PTPRM: variants seen among roughly 807,000 people sequenced by gnomAD.
PTPRM encodes protein tyrosine phosphatase receptor type M, also known as receptor-type tyrosine-protein phosphatase mu.
Under a neutral mutation model 186.7 loss-of-function variants are expected in PTPRM, and 47 were observed. The ratio of observed to expected loss-of-function variants is 0.25; its 90% confidence interval spans 0.20 to 0.32. The LOEUF (loss-of-function observed/expected upper bound fraction) is 0.32, where lower values mean the gene tolerates loss of function less well. Ranked by LOEUF, PTPRM falls within the 10% of genes least tolerant of loss-of-function variation. The probability of loss-of-function intolerance (pLI) is 1.00; values close to 1 mark genes in which losing one functional copy is unlikely to be tolerated. For synonymous variants in PTPRM, 668 were observed against 674.9 expected (o/e 0.99, Z 0.16); for missense variants, 1,494 against 1,865.0 (o/e 0.80, Z 3.66).
chr18:7,857,419 A>T (rs543035703), intron 2 of PTPRM, among the ~76,000 whole-genome samples: 3 of 152,198 alleles, frequency 2.0e-5, no homozygotes, highest in South Asian at 2.1e-4. Context: ...TACAGCTGGG[A>T]TGCTGGCTTC....
chr18:7,741,014 T>C (rs2040874101), intron 1 of PTPRM, among the ~76,000 whole-genome samples: 3 of 152,202 alleles, frequency 2.0e-5, no homozygotes, highest in South Asian at 4.1e-4. Context: ...AGGGCTCACA[T>C]TCCTCAGATG....
intron 7 of PTPRM, among the ~76,000 whole-genome samples, chr18:7,989,290 A>G (rs1478689288): frequency 2.6e-5 from 4 of 152,124 alleles, no homozygotes; most frequent in Non-Finnish European, 5.9e-5. Flanking sequence ...CATGGGCAGT[A>G]TATCAGAGGC....
chr18:7,747,804 G>A (rs761805759), intron 1 of PTPRM: 2 of 152,154 alleles, frequency 1.3e-5, no homozygotes, highest in Non-Finnish European at 2.9e-5. Context: ...CTGATTCTGA[G>A]GTCCCGAGGG....
In PTPRM at chr18:8,223,662, G is replaced by C. The variant is rs969157206; in HGVS notation, c.2301-20396G>C. ...ATTTGCACCTGATTGAAGATGCTTT[G>C]GGCTCAGTTTTGCTGTCCTCTCCCC... On this transcript the variant is annotated intron_variant, in intron 14 of 32. Transcript: ENST00000580170. 1.1e-4 allele frequency among the ~76,000 whole-genome samples: 16 copies of C among 152,074 alleles called. 1 individual carries two copies. The highest frequency in any genetic ancestry group is 6.5e-5 in the Admixed American group (1 of 15,272).
At chr18:7,720,195 A>C (rs2040420440) in intron 1 of PTPRM, among the ~76,000 whole-genome samples, 1 of 152,320 alleles carries the variant, frequency 6.6e-6, no homozygotes, top group African/African-American at 2.4e-5. Flanking sequence ...AAAGTGACAA[A>C]GTTTTACTTT....
At chr18:7,691,586 C>T (rs1337086457) in intron 1 of PTPRM, among the ~76,000 whole-genome samples, 3 of 152,052 alleles carry the variant, frequency 2.0e-5, no homozygotes, top group African/African-American at 4.8e-5. Context: ...TTTGATCAAG[C>T]CTGAGGATAT....
intron 11 of PTPRM, among the ~76,000 whole-genome samples, chr18:8,100,963 G>C (rs2091266783): frequency 6.6e-6 from 1 of 152,094 alleles, no homozygotes; most frequent in South Asian, 2.1e-4. Flanking sequence ...ACTGATATTT[G>C]ACAATACTTC....
chr18:7,642,826 G>T (rs2038475438), intron 1 of PTPRM, among the ~76,000 whole-genome samples: 1 of 131,414 alleles, frequency 7.6e-6, no homozygotes, highest in African/African-American at 2.9e-5. Flanking sequence ...AGGGGCCCAA[G>T]ACTTCAGTAA....
intron 19 of PTPRM, among the ~76,000 whole-genome samples, chr18:8,260,326 C>A (rs1021336896): frequency 6.6e-5 from 10 of 152,174 alleles, no homozygotes; most frequent in Non-Finnish European, 7.4e-5. Flanking sequence ...CCAAGCCCAG[C>A]TAACTTTTTT....
At chr18:7,951,206 A>T (rs2052929266) in intron 6 of PTPRM, among the ~76,000 whole-genome samples, 1 of 152,240 alleles carries the variant, frequency 6.6e-6, no homozygotes, top group Non-Finnish European at 1.5e-5. Flanking sequence ...TGCTCTGGCA[A>T]GTGAGACATC....
chr18:8,401,631 G>T (rs556127065), intron 32 of PTPRM, among the ~76,000 whole-genome samples: 83 of 152,300 alleles, frequency 5.4e-4, no homozygotes, highest in Admixed American at 1.8e-3. Context: ...CCGTTGATGT[G>T]GTGTTTGAAG....
At chr18:7,880,327 A>T (rs1228258178) in intron 2 of PTPRM, among the ~76,000 whole-genome samples, 3 of 152,188 alleles carry the variant, frequency 2.0e-5, no homozygotes, top group Admixed American at 2.0e-4. Flanking sequence ...CATGTCATGA[A>T]TGGGGCAAAA....
chr18:7,893,851 G>A (rs772458750), intron 3 of PTPRM, among the ~76,000 whole-genome samples: 2 of 152,056 alleles, frequency 1.3e-5, no homozygotes, highest in Non-Finnish European at 2.9e-5. Flanking sequence ...CCTTAAAATC[G>A]CTATGTAAGA....
At chr18:8,164,605 C>T (rs1272532300) in intron 14 of PTPRM, among the ~76,000 whole-genome samples, 1 of 152,156 alleles carries the variant, frequency 6.6e-6, no homozygotes, top group African/African-American at 2.4e-5. Context: ...CACAGGAAGA[C>T]AAATACTGTA....
chr18:7,701,297 T>C (rs2039960500), intron 1 of PTPRM, among the ~76,000 whole-genome samples: 2 of 112,590 alleles, frequency 1.8e-5, no homozygotes, highest in South Asian at 2.7e-4. Context: ...AGCCAGACCG[T>C]ATCTCAAAAA....
At chr18:7,695,416 A>G (rs2039822741) in intron 1 of PTPRM, among the ~76,000 whole-genome samples, 1 of 152,140 alleles carries the variant, frequency 6.6e-6, no homozygotes, top group South Asian at 2.1e-4. Context: ...CATGCTGATC[A>G]ATGGACCACT....
intron 4 of PTPRM, among the ~76,000 whole-genome samples, chr18:7,922,062 C>T (rs1052154943): frequency 1.3e-5 from 2 of 152,030 alleles, no homozygotes; most frequent in Non-Finnish European, 2.9e-5. Context: ...GTTGATTTCC[C>T]TTTTTTTCCT....
intron 7 of PTPRM, among the ~76,000 whole-genome samples, chr18:8,065,426 A>T (rs1230898301): frequency 1.3e-5 from 2 of 152,184 alleles, no homozygotes; most frequent in East Asian, 3.9e-4. Context: ...TGCTGCAGGC[A>T]TCAGTGGGAG....
intron 4 of PTPRM, among the ~76,000 whole-genome samples, chr18:7,923,772 A>T (rs1372374547): frequency 6.6e-6 from 1 of 152,148 alleles, no homozygotes; most frequent in Non-Finnish European, 1.5e-5. Context: ...TTTCTGGGAA[A>T]GCTCTGTTTT....
Sources: gnomAD v4.1 joint callset for allele counts (sites outside exome capture counted in the v4.1 genomes callset) on GRCh38, gnomAD v4.1.1 for gene constraint, MANE v1.5 for transcripts, NCBI Gene and HGNC (gene_info 2026-07-23, HGNC 2026-07-21) for gene names.